SKAP1: variants seen among roughly 807,000 people sequenced by gnomAD.
The protein encoded by SKAP1 is src kinase associated phosphoprotein 1.
In SKAP1, 44 loss-of-function variants were observed where a neutral mutation model predicts 58.5. The observed-to-expected ratio is 0.75, with a 90% confidence interval of 0.59 to 0.97. SKAP1 has a LOEUF of 0.97. SKAP1 is among the 50% of genes least tolerant of loss of function. The probability of loss-of-function intolerance (pLI) is 0.00; values close to 1 mark genes in which losing one functional copy is unlikely to be tolerated. For missense variants in SKAP1, 390 were observed against 435.2 expected (o/e 0.90, Z 0.92); for synonymous variants, 127 against 149.7 (o/e 0.85, Z 1.11).
At chr17:48,219,887 AGAG>A (rs907716360) in intron 4 of SKAP1, among the ~76,000 whole-genome samples, 9 of 152,240 alleles carry the variant, frequency 5.9e-5, no homozygotes, top group Admixed American at 3.9e-4. Flanking sequence ...TGTTCCTCAC[AGAG>A]GAGATGTTCC....
At chr17:48,369,744 G>T (rs1028315465) in intron 2 of SKAP1, among the ~76,000 whole-genome samples, 1 of 152,050 alleles carries the variant, frequency 6.6e-6, no homozygotes, top group Non-Finnish European at 1.5e-5. Flanking sequence ...GAAAACTGAG[G>T]CATCAAGGAT....
At chr17:48,295,299 T>C (rs964944709) in intron 4 of SKAP1, among the ~76,000 whole-genome samples, 5 of 152,180 alleles carry the variant, frequency 3.3e-5, no homozygotes, top group Admixed American at 3.3e-4. Context: ...GAAGAAGACT[T>C]ATTGTACTTT....
In SKAP1 at chr17:48,271,369, T is replaced by C. The variant is rs562018742; in HGVS notation, c.280+74536A>G. Among the ~76,000 whole-genome samples the C allele has an allele frequency of 5.4e-4, 79 of 144,978 alleles. 1 individual carries two copies. The East Asian group carries it at 0.012, about 23-fold the overall frequency. On this transcript the variant is annotated intron_variant, in intron 4 of 12. Transcript: ENST00000336915. ...ATTCTTGTTTCTTTGTTTCTTTTTTTTTTTTTTTTTTTTTTGAGACAGGGT... is the reference window on the plus strand; with the variant it reads ...ATTCTTGTTTCTTTGTTTCTTTTTTCTTTTTTTTTTTTTTTGAGACAGGGT...
chr17:48,284,190 T>C (rs538198423), intron 4 of SKAP1, among the ~76,000 whole-genome samples: 32 of 152,230 alleles, frequency 2.1e-4, no homozygotes, highest in Non-Finnish European at 4.6e-4. Context: ...CATTTGTAGT[T>C]GTTCTGATTT....
chr17:48,157,442 C>A (rs1193415809), intron 11 of SKAP1, among the ~76,000 whole-genome samples: 1 of 151,956 alleles, frequency 6.6e-6, no homozygotes, highest in Non-Finnish European at 1.5e-5. Context: ...ACCATGTTGG[C>A]CAGGCTGGTC....
chr17:48,176,186 T>C (rs1367096869), intron 9 of SKAP1, among the ~76,000 whole-genome samples: 2 of 152,224 alleles, frequency 1.3e-5, no homozygotes, highest in South Asian at 2.1e-4. Flanking sequence ...GTGGGCAGCA[T>C]TGGAATGTGC....
At chr17:48,181,731 A>G (rs3805370) in intron 8 of SKAP1, among the ~76,000 whole-genome samples, 1 of 151,418 alleles carries the variant, frequency 6.6e-6, no homozygotes, top group African/African-American at 2.4e-5. Flanking sequence ...TGACAATTAT[A>G]TAATACCGAG....
intron 11 of SKAP1, among the ~76,000 whole-genome samples, chr17:48,160,917 C>T (rs2059318120): frequency 6.6e-6 from 1 of 152,202 alleles, no homozygotes; most frequent in Admixed American, 6.5e-5. Flanking sequence ...AATGTCCACT[C>T]CCTTTTTTGC....
chr17:48,389,328 T>C (rs1484914208), intron 2 of SKAP1, among the ~76,000 whole-genome samples: 3 of 152,158 alleles, frequency 2.0e-5, no homozygotes, highest in Non-Finnish European at 2.9e-5. Context: ...TTTCCTAAGA[T>C]GGGCCCTGGA....
intron 4 of SKAP1, chr17:48,231,752 G>A (rs773288323): frequency 2.0e-5 from 3 of 152,146 alleles, no homozygotes; most frequent in Non-Finnish European, 4.4e-5. Flanking sequence ...AATAATGGTG[G>A]TCATGAGGTA....
upstream of SKAP1, among the ~76,000 whole-genome samples, chr17:48,432,346 A>G (rs8073326): frequency 0.48 from 72,559 of 151,506 alleles, 19,160 homozygotes; most frequent in African/African-American, 0.72. Context: ...GGAGAATCAC[A>G]TGAACCCGGG....
intron 1 of SKAP1, among the ~76,000 whole-genome samples, chr17:48,406,126 G>A (rs1456450331): frequency 6.6e-6 from 1 of 150,684 alleles, no homozygotes; most frequent in African/African-American, 2.4e-5. Context: ...TTAGTCGGGC[G>A]TGGTGGCACA....
At chr17:48,438,276 C>T in the SKAP1 span, among the ~76,000 whole-genome samples, 2 of 152,192 alleles carry the variant, frequency 1.3e-5, no homozygotes, top group African/African-American at 4.8e-5. Context: ...ATATGTAGTG[C>T]TTACACCTGC....
At chr17:48,166,616 A>G (rs989127249) in intron 10 of SKAP1, among the ~76,000 whole-genome samples, 1 of 152,180 alleles carries the variant, frequency 6.6e-6, no homozygotes, top group Non-Finnish European at 1.5e-5. Flanking sequence ...CCAGCATGTT[A>G]TTTACATTTT....
At chr17:48,224,930 T>G (rs1301217120) in intron 4 of SKAP1, among the ~76,000 whole-genome samples, 1 of 152,214 alleles carries the variant, frequency 6.6e-6, no homozygotes, top group Non-Finnish European at 1.5e-5. Flanking sequence ...TTGCCAAGTG[T>G]ACCAGAACAC....
At chr17:48,348,399 T>G (rs2066751862) in intron 3 of SKAP1, among the ~76,000 whole-genome samples, 1 of 150,886 alleles carries the variant, frequency 6.6e-6, no homozygotes. Context: ...ATGCTCACAT[T>G]CTAAGTGTTT....
chr17:48,329,073 T>C (rs2066472369), intron 4 of SKAP1, among the ~76,000 whole-genome samples: 1 of 152,212 alleles, frequency 6.6e-6, no homozygotes, highest in Non-Finnish European at 1.5e-5. Flanking sequence ...TAGTTACAAA[T>C]GTTAGTGACT....
chr17:48,181,099 G>A (rs1249499279), intron 8 of SKAP1, among the ~76,000 whole-genome samples: 6 of 152,096 alleles, frequency 3.9e-5, no homozygotes, highest in African/African-American at 9.7e-5. Flanking sequence ...ATGGAGAGAC[G>A]TCCAACTTTC....
the SKAP1 span, among the ~76,000 whole-genome samples, chr17:48,439,351 G>A: frequency 1.9e-4 from 29 of 152,262 alleles, no homozygotes; most frequent in African/African-American, 6.5e-4. Flanking sequence ...GATGCATATT[G>A]CAGAATATTC....
Sources: gnomAD v4.1 joint callset for allele counts (sites outside exome capture counted in the v4.1 genomes callset) on GRCh38, gnomAD v4.1.1 for gene constraint, MANE v1.5 for transcripts, NCBI Gene and HGNC (gene_info 2026-07-23, HGNC 2026-07-21) for gene names.